Variants in SYT9 observed in about 807,000 individuals in gnomAD.
SYT9 encodes synaptotagmin 9, also known as synaptotagmin-9.
A neutral mutation model predicts 48.4 loss-of-function variants in SYT9; 22 were observed. The observed-to-expected ratio is 0.45, with a 90% CI of 0.32 to 0.65. SYT9 has a LOEUF of 0.65. SYT9 is among the 30% of genes least tolerant of loss of function. The probability of loss-of-function intolerance (pLI) is 0.03; values close to 1 mark genes in which losing one functional copy is unlikely to be tolerated. For missense variants in SYT9, 577 were observed against 622.0 expected, an observed-to-expected ratio of 0.93 and a Z score of 0.77; for synonymous variants, 265 against 245.0, an observed-to-expected ratio of 1.08 and a Z score of -0.76.
intron 1 of SYT9, among the ~76,000 whole-genome samples, chr11:7,281,558 G>T (rs945706245): frequency 6.6e-6 from 1 of 152,154 alleles, no homozygotes; most frequent in Non-Finnish European, 1.5e-5. Flanking sequence ...ATTAAAATTC[G>T]ATGGCAGCCT....
intron 6 of SYT9, among the ~76,000 whole-genome samples, chr11:7,447,535 C>T (rs1847956727): frequency 1.3e-5 from 2 of 152,242 alleles, no homozygotes; most frequent in South Asian, 4.1e-4. Flanking sequence ...TCGAACTCAA[C>T]ATACAGATAA....
chr11:7,444,947 T>C (rs1459452102), intron 6 of SYT9, among the ~76,000 whole-genome samples: 2 of 152,182 alleles, frequency 1.3e-5, no homozygotes, highest in Non-Finnish European at 2.9e-5. Flanking sequence ...CATCCACTTA[T>C]CAAAGTCAGG....
At chr11:7,416,488 A>G (rs990895686) in intron 4 of SYT9, among the ~76,000 whole-genome samples, 1 of 152,236 alleles carries the variant, frequency 6.6e-6, no homozygotes, top group Non-Finnish European at 1.5e-5. Flanking sequence ...TTAGCCTTCT[A>G]TATCCACCAG....
chr11:7,406,680 C>A (rs1319643804), intron 3 of SYT9, among the ~76,000 whole-genome samples: 1 of 151,788 alleles, frequency 6.6e-6, no homozygotes, highest in Non-Finnish European at 1.5e-5. Context: ...CCCTCTGATA[C>A]ACGGATTTCC....
chr11:7,363,968 A>G (rs1473311043), intron 3 of SYT9, among the ~76,000 whole-genome samples: 8 of 152,208 alleles, frequency 5.3e-5, no homozygotes, highest in African/African-American at 1.9e-4. Flanking sequence ...AGATAAGCTA[A>G]GAAAATGACA....
chr11:7,283,147 G>GTA (rs35272670), intron 1 of SYT9, among the ~76,000 whole-genome samples: 24,164 of 139,704 alleles, frequency 0.17, 2,067 homozygotes, highest in East Asian at 0.25. Flanking sequence ...GTATGTGTGT[G>GTA]TATATATATA....
intron 3 of SYT9, among the ~76,000 whole-genome samples, chr11:7,412,453 T>C (rs7127099): frequency 0.023 from 3,572 of 152,322 alleles, 143 homozygotes; most frequent in African/African-American, 0.081. Context: ...ATAAATAGTA[T>C]CAGTGGTATC....
At chr11:7,393,024 T>G (rs1009442517) in intron 3 of SYT9, among the ~76,000 whole-genome samples, 17 of 152,184 alleles carry the variant, frequency 1.1e-4, no homozygotes, top group Admixed American at 7.9e-4. Context: ...TTTCTAGGTA[T>G]AGAATCATAC....
intron 2 of SYT9, among the ~76,000 whole-genome samples, chr11:7,311,737 C>G (rs1849137632): frequency 6.6e-6 from 1 of 152,218 alleles, no homozygotes; most frequent in Admixed American, 6.5e-5. Context: ...AGGGCTGGCA[C>G]CAGCCTATTC....
At chr11:7,328,686 C>T (rs949921172) in intron 3 of SYT9, among the ~76,000 whole-genome samples, 2 of 151,936 alleles carry the variant, frequency 1.3e-5, no homozygotes, top group African/African-American at 4.8e-5. Context: ...ACATATTTAC[C>T]ACTTCTCTTG....
At chr11:7,316,453 T>C (rs1240537655) in intron 3 of SYT9, among the ~76,000 whole-genome samples, 1 of 152,202 alleles carries the variant, frequency 6.6e-6, no homozygotes, top group Non-Finnish European at 1.5e-5. Context: ...CATTTAGTAA[T>C]AGAAATAAGC....
chr11:7,266,500 TG>T (rs1169717304), intron 1 of SYT9, among the ~76,000 whole-genome samples: 3 of 152,128 alleles, frequency 2.0e-5, no homozygotes, highest in Non-Finnish European at 4.4e-5. Context: ...TAGGCTGCTC[TG>T]GGGGAAAATC....
chr11:7,321,742 C>T (rs1218323162), intron 3 of SYT9, among the ~76,000 whole-genome samples: 1 of 152,144 alleles, frequency 6.6e-6, no homozygotes, highest in Non-Finnish European at 1.5e-5. Context: ...ATACCCACTT[C>T]CAATTACATA....
intron 3 of SYT9, among the ~76,000 whole-genome samples, chr11:7,382,012 C>G (rs1302090822): frequency 6.6e-6 from 1 of 152,116 alleles, no homozygotes; most frequent in African/African-American, 2.4e-5. Context: ...TTTTCTGAAG[C>G]CTTTTGTGGG....
intron 1 of SYT9, among the ~76,000 whole-genome samples, chr11:7,244,409 A>G (rs1401430689): frequency 6.6e-5 from 10 of 152,222 alleles, no homozygotes; most frequent in Non-Finnish European, 1.2e-4. Flanking sequence ...ATCTCTCAAG[A>G]AAATTCACTC....
chr11:7,395,267 TG>T (rs1846730011), intron 3 of SYT9, among the ~76,000 whole-genome samples: 1 of 145,194 alleles, frequency 6.9e-6, no homozygotes, highest in Non-Finnish European at 1.5e-5. Flanking sequence ...TGGCCAAACA[TG>T]TGGTCAATTT....
At chr11:7,411,351 G>A (rs1847133895) in intron 3 of SYT9, among the ~76,000 whole-genome samples, 1 of 152,078 alleles carries the variant, frequency 6.6e-6, no homozygotes, top group African/African-American at 2.4e-5. Context: ...ATACTTTGAT[G>A]TGTTTTCATG....
At chr11:7,379,344 G>A (rs1226943636) in intron 3 of SYT9, among the ~76,000 whole-genome samples, 1 of 152,098 alleles carries the variant, frequency 6.6e-6, no homozygotes, top group East Asian at 1.9e-4. Context: ...GGATTGAAAG[G>A]CTTCACCTCC....
chr11:7,247,672 G>T (rs187277375), upstream of SYT9, among the ~76,000 whole-genome samples: 33 of 124,394 alleles, frequency 2.7e-4, no homozygotes, highest in Admixed American at 1.1e-3. Context: ...GTATATATAC[G>T]TATATATGTG....
Sources: allele counts gnomAD v4.1 joint callset (sites outside exome capture counted in the v4.1 genomes callset), GRCh38; gene constraint gnomAD v4.1.1; transcripts MANE v1.5; gene names NCBI Gene and HGNC (gene_info 2026-07-23, HGNC 2026-07-21).